Variants in GORAB observed in about 807,000 individuals in gnomAD.
GORAB encodes the protein golgin, RAB6 interacting, also known as RAB6-interacting golgin.
Under a neutral mutation model 29.9 loss-of-function variants are expected in GORAB, and 17 were observed. That is an observed-to-expected ratio of 0.57 (90% CI 0.39 to 0.85). The LOEUF is 0.85. GORAB is among the 40% of genes least tolerant of loss of function. GORAB has a pLI of 0.00. For missense variants in GORAB, 442 were observed against 437.8 expected, an observed-to-expected ratio of 1.01 and a Z score of -0.09; for synonymous variants, 183 against 157.2, an observed-to-expected ratio of 1.16 and a Z score of -1.23.
At chr1:170,544,074 A>C (rs1649607056) in intron 3 of GORAB, among the ~76,000 whole-genome samples, 1 of 152,170 alleles carries the variant, frequency 6.6e-6, no homozygotes, top group Admixed American at 6.5e-5. Flanking sequence ...TATATATTGT[A>C]CTTGGGAGAG....
At chr1:170,550,481 G>T (rs559492435) in intron 4 of GORAB, among the ~76,000 whole-genome samples, 1 of 152,182 alleles carries the variant, frequency 6.6e-6, no homozygotes, top group Non-Finnish European at 1.5e-5. Flanking sequence ...AAATTGCCTC[G>T]TGTATCCTAC....
intron 1 of GORAB, among the ~76,000 whole-genome samples, chr1:170,538,163 G>A (rs1649172088): frequency 6.6e-6 from 1 of 152,208 alleles, no homozygotes; most frequent in Non-Finnish European, 1.5e-5. Flanking sequence ...CTTGATAGAT[G>A]AGGAAACTAA....
rs112380395 is a variant in GORAB at position 170,545,634 on chromosome 1, T to C, written c.662+789T>C. ...TTTTCACAAGGGAATGCTGTGTTAATGACTCAGTTTTCTATCTTACTCTGT... is the reference window on the plus strand; with the variant it reads ...TTTTCACAAGGGAATGCTGTGTTAACGACTCAGTTTTCTATCTTACTCTGT... On this transcript the variant is annotated intron_variant, in intron 4 of 4. Transcript: ENST00000367763. 7.1e-5 allele frequency: 70 copies of C among 985,426 alleles called. 1 individual carries two copies. Among genetic ancestry groups the C allele is most frequent in the Middle Eastern group, 5.2e-4 (1 of 1,914 alleles). The allele number at this position is 985,426 out of a possible 1,614,324, so 61.0% of individuals were successfully genotyped here.
At chr1:170,537,712 G>A (rs1185659973) in intron 1 of GORAB, among the ~76,000 whole-genome samples, 2 of 152,214 alleles carry the variant, frequency 1.3e-5, no homozygotes, top group East Asian at 3.9e-4. Context: ...ACGCTTCTCA[G>A]TTCACCACAG....
intron 1 of GORAB, among the ~76,000 whole-genome samples, chr1:170,538,311 C>A (rs2101819598): frequency 6.6e-6 from 1 of 152,200 alleles, no homozygotes; most frequent in East Asian, 1.9e-4. Flanking sequence ...GTCAATATGC[C>A]AAATTTGAAA....
chr1:170,535,837 G>A (rs962140973), intron 1 of GORAB, among the ~76,000 whole-genome samples: 1 of 152,044 alleles, frequency 6.6e-6, no homozygotes, highest in Non-Finnish European at 1.5e-5. Flanking sequence ...TTACAGGCAT[G>A]AGCCACCACT....
Position 170,552,170 on chromosome 1 carries a change from A to G in GORAB, c.818A>G (p.Gln273Arg). 1 of 1,614,122 alleles carries G rather than the reference A, an allele frequency of 6.2e-7. No individual in the cohort carries two copies. Among genetic ancestry groups the G allele is most frequent in the Non-Finnish European group, 8.5e-7 (1 of 1,179,996 alleles). The change falls in exon 5 of 5, where the codon CAA becomes CGA. Residue 273 changes from glutamine (Q) to arginine (R), a missense_variant. Coordinates refer to ENST00000367763, the MANE Select transcript of GORAB (RefSeq NM_152281.3). The part of the protein sequence containing the change: ...KAKKLEELMQ[Q>R]LDVEADEETL... ...AAGAAGTTGGAGGAGTTGATGCAACAACTAGATGTAGAAGCCGATGAAGAG... is the reference window on the plus strand; with the variant it reads ...AAGAAGTTGGAGGAGTTGATGCAACGACTAGATGTAGAAGCCGATGAAGAG...
chr1:170,552,502 A>G lies in GORAB; in HGVS notation c.*40A>G. ...TTTGAGCTAATATGGTATTGAGTAA[A>G]GTATACTTTTTGCAGTAGATCATGC... On this transcript the variant is annotated 3_prime_UTR_variant, in exon 5 of 5. Transcript: ENST00000367763. 1.3e-6 allele frequency: 2 copies of G among 1,549,374 alleles called. No individual in the cohort carries two copies. Among genetic ancestry groups the G allele is most frequent in the Non-Finnish European group, 1.8e-6 (2 of 1,123,512 alleles).
chr1:170,543,370 G>T (rs971093085), intron 3 of GORAB, among the ~76,000 whole-genome samples: 1 of 152,156 alleles, frequency 6.6e-6, no homozygotes. Context: ...TTTCTTTTTA[G>T]ACTTCCAGAA....
rs1393340143 is a variant in GORAB, at chr1:170,552,875, G to C, written c.*413G>C. 2.2e-6 allele frequency: 1 copy of C among 452,250 alleles called. No individual in the cohort carries two copies. 28.0% of individuals were successfully genotyped at this position (452,250 alleles called of 1,614,324 possible). A position where few individuals can be genotyped will look rare whatever the true frequency, so the allele number is the denominator to read the frequency against. The stretch of plus-strand genomic sequence containing the variant: ...CTGGAAGTCCTATTTTATTTAATCA[G>C]TATCAGTAAAAAGACAAAAATTACA... On this transcript the variant is annotated 3_prime_UTR_variant, in exon 5 of 5. Coordinates refer to ENST00000367763, the MANE Select transcript of GORAB (RefSeq NM_152281.3).
At chr1:170,538,575 A>G (rs1649197509) in intron 1 of GORAB, among the ~76,000 whole-genome samples, 1 of 152,218 alleles carries the variant, frequency 6.6e-6, no homozygotes, top group Non-Finnish European at 1.5e-5. Context: ...TATTAAAATC[A>G]GTTTGAATGC....
rs1374264302 is a variant in GORAB, at chr1:170,539,506, A to G, written c.358A>G (p.Asn120Asp). The part of the protein sequence containing the change: ...LGLENSHDGH[N>D]NVEILPPKPD... ...ACTTGAGAATTCCCATGATGGTCACAACAATGTTGAGATTCTACCTCCAAA... is the reference window on the plus strand; with the variant it reads ...ACTTGAGAATTCCCATGATGGTCACGACAATGTTGAGATTCTACCTCCAAA... The change falls in exon 2 of 5, where the codon AAC (asparagine) becomes GAC (aspartate). Residue 120 changes from asparagine to aspartate, a missense_variant. By Grantham distance (23) the Asn-to-Asp change is conservative. Transcript: ENST00000367763. 2 of 1,614,128 alleles carry G rather than the reference A, an allele frequency of 1.2e-6. No homozygotes were observed. Among genetic ancestry groups the G allele is most frequent in the Admixed American group, 3.3e-5 (2 of 60,004 alleles).
intron 3 of GORAB, 146 bp downstream of exon 3, chr1:170,542,738 A>G (rs1558006845): frequency 1.4e-6 from 1 of 705,976 alleles, no homozygotes; most frequent in South Asian, 1.6e-5. Context: ...ATTATGCTTT[A>G]TAAGTGATAC....
intron 4 of GORAB, among the ~76,000 whole-genome samples, chr1:170,551,697 T>A (rs981157235): frequency 4.6e-5 from 7 of 152,126 alleles, no homozygotes; most frequent in African/African-American, 9.7e-5. Flanking sequence ...GGGCTCCCCA[T>A]CCTCCCACCC....
chr1:170,553,097 A>AAC lies in GORAB; in HGVS notation c.*644_*645dup, dbSNP rs770675217. The AAC allele has an allele frequency of 1.1e-5, 5 of 453,326 alleles. No homozygotes were observed. The highest frequency in any genetic ancestry group is 7.8e-5 in the South Asian group (5 of 64,118). The allele number at this position is 453,326 out of a possible 1,614,324, so 28.1% of individuals were successfully genotyped here. ...TTACAACCTGCGTTTTGTTATTTGA[A>AAC]ACACACACACTTATATATAAACACA... On this transcript the variant is annotated 3_prime_UTR_variant, in exon 5 of 5. Coordinates refer to ENST00000367763, the MANE Select transcript of GORAB (RefSeq NM_152281.3).
At chr1:170,532,406 A>T (rs1244465393) in intron 1 of GORAB, 122 bp downstream of exon 1, 2 of 1,073,380 alleles carry the variant, frequency 1.9e-6, no homozygotes, top group Admixed American at 3.6e-5. Context: ...AAGGCGCTGT[A>T]AGTACGTGGA....
rs142738127 is a variant in GORAB at position 170,537,159 on chromosome 1, T to C, written c.62-2051T>C. ...TCCTTTCTTTCTTCTTTGTCTCTCT[T>C]TCTTTTATCCAATCTTTACATTTCT... On this transcript the variant is annotated intron_variant, in intron 1 of 4. Transcript: ENST00000367763. Among the ~76,000 whole-genome samples the C allele has an allele frequency of 4.1e-3, 630 of 152,214 alleles. 8 individuals are homozygous for C. Among genetic ancestry groups the C allele is most frequent in the African/African-American group, 0.014 (584 of 41,508 alleles).
In GORAB at chr1:170,552,405, T is replaced by C; in HGVS notation, c.1053T>C (p.Leu351=). Residue 351 remains leucine (L), a synonymous_variant, in exon 5 of 5, where the codon CTT becomes CTC. Transcript: ENST00000367763. ...GAAATTCCAGTAGCATCCCCTTTCTTAGTCCAAACTGCCCAAATCAAGAAG... is the reference window on the plus strand; with the variant it reads ...GAAATTCCAGTAGCATCCCCTTTCTCAGTCCAAACTGCCCAAATCAAGAAG... ...QCGNSSSIPF[L]SPNCPNQEGN... 6.2e-7 allele frequency: 1 copy of C among 1,614,076 alleles called. No individual in the cohort carries two copies. The highest frequency in any genetic ancestry group is 1.3e-5 in the African/African-American group (1 of 75,046).
intron 4 of GORAB, 31 bp from the exon 5 acceptor site, chr1:170,551,984 G>A (rs1650141280): frequency 1.9e-6 from 3 of 1,584,400 alleles, no homozygotes; most frequent in African/African-American, 1.3e-5. Context: ...ATGGAAAACT[G>A]ATGGACCTAT....
Sources: gnomAD v4.1 joint callset for allele counts (sites outside exome capture counted in the v4.1 genomes callset) on GRCh38, gnomAD v4.1.1 for gene constraint, MANE v1.5 for transcripts, NCBI Gene and HGNC (gene_info 2026-07-23, HGNC 2026-07-21) for gene names.